GRM7: variants seen among roughly 807,000 people sequenced by gnomAD.
The protein encoded by GRM7 is metabotropic glutamate receptor 7.
Under a neutral mutation model 84.5 loss-of-function variants are expected in GRM7, and 35 were observed. The observed-to-expected ratio is 0.41, with a 90% CI of 0.32 to 0.55. GRM7 has a LOEUF of 0.55. Ranked by LOEUF, GRM7 falls within the 20% of genes least tolerant of loss-of-function variation. The pLI, the probability that GRM7 is intolerant of heterozygous loss-of-function variation, is 0.19. For missense variants in GRM7, 1,003 were observed against 1,194.6 expected, an observed-to-expected ratio of 0.84 and a Z score of 2.36; for synonymous variants, 487 against 455.1, an observed-to-expected ratio of 1.07 and a Z score of -0.89.
At chr3:6,865,789 A>G (rs1694918981) in intron 1 of GRM7, among the ~76,000 whole-genome samples, 2 of 152,136 alleles carry the variant, frequency 1.3e-5, no homozygotes, top group Non-Finnish European at 2.9e-5. Flanking sequence ...TCGTAATCCG[A>G]TAGAGCTGAG....
intron 2 of GRM7, among the ~76,000 whole-genome samples, chr3:7,176,279 T>A (rs984714990): frequency 2.3e-5 from 3 of 132,160 alleles, no homozygotes; most frequent in Non-Finnish European, 4.7e-5. Flanking sequence ...GGTGTGGTGG[T>A]GCATGCCTGT....
At chr3:7,455,090 T>C (rs1697949255) in intron 6 of GRM7, among the ~76,000 whole-genome samples, 2 of 152,032 alleles carry the variant, frequency 1.3e-5, no homozygotes, top group Non-Finnish European at 2.9e-5. Flanking sequence ...AGAAACCAAA[T>C]TGGAAGAGAT....
chr3:7,688,347 A>C (rs922737945), intron 9 of GRM7, among the ~76,000 whole-genome samples: 4 of 152,088 alleles, frequency 2.6e-5, no homozygotes, highest in Admixed American at 6.5e-5. Context: ...ATTGCTTAAT[A>C]ATGTGGACTG....
chr3:7,367,390 A>G (rs1184832699), intron 4 of GRM7, among the ~76,000 whole-genome samples: 1 of 151,888 alleles, frequency 6.6e-6, no homozygotes, highest in African/African-American at 2.4e-5. Context: ...TAAGAATGGT[A>G]ATGGTCTAAA....
At chr3:7,254,209 C>T (rs1326330541) in intron 2 of GRM7, among the ~76,000 whole-genome samples, 1 of 152,170 alleles carries the variant, frequency 6.6e-6, no homozygotes, top group Non-Finnish European at 1.5e-5. Context: ...TACAAAGGCC[C>T]CGTGCTTGGT....
intron 2 of GRM7, among the ~76,000 whole-genome samples, chr3:7,177,626 A>C (rs1306162930): frequency 6.6e-6 from 1 of 151,638 alleles, no homozygotes; most frequent in East Asian, 1.9e-4. Context: ...GGGTGGGAGA[A>C]AAGAAGGAAA....
rs755132698 is a variant in GRM7, at chr3:6,861,829, G to A, written c.441G>A (p.Pro147=). The A allele has an allele frequency of 1.2e-6, 2 of 1,614,050 alleles. No homozygotes were observed. The highest frequency in any genetic ancestry group is 1.1e-5 in the South Asian group (1 of 91,096). The part of the protein sequence containing the change: ...TNGEPPVFVK[P]EKVVGVIGAS... Reference sequence around the variant, plus strand: ...GCGAACCGCCGGTTTTCGTCAAGCCGGAGAAAGTAGTTGGAGTGATTGGGG... The same window carrying A: ...GCGAACCGCCGGTTTTCGTCAAGCCAGAGAAAGTAGTTGGAGTGATTGGGG... The change falls in exon 1 of 10, where the codon CCG becomes CCA. Residue 147 remains proline, a synonymous_variant. Transcript: ENST00000357716. The surrounding 1 kb of genome is among the most constrained non-coding windows in gnomAD (Gnocchi z 6.4).
In GRM7 at chr3:7,650,709, A is replaced by G. The variant is rs1698893002; in HGVS notation, c.2452-29340A>G. ...ATTGAGAAAATTCAAAGTCCATAAC[A>G]ATATTTTGCTTTTATTTATTTATTT... is the stretch of plus-strand genomic sequence containing the variant. On this transcript the variant is annotated intron_variant, in intron 8 of 9. Coordinates refer to ENST00000357716, the MANE Select transcript of GRM7 (RefSeq NM_000844.4). 2.0e-5 allele frequency among the ~76,000 whole-genome samples: 3 copies of G among 152,240 alleles called. No individual in the cohort carries two copies. In the South Asian group the frequency reaches 6.2e-4, roughly 32 times the overall value.
At chr3:7,415,289 G>A in intron 5 of GRM7, 126 bp downstream of exon 5, 2 of 791,786 alleles carry the variant, frequency 2.5e-6, no homozygotes, top group Admixed American at 4.9e-5. Flanking sequence ...TTACTAGATT[G>A]TTCAGAAAAT....
At chr3:7,136,562 G>C (rs1022658862) in intron 1 of GRM7, among the ~76,000 whole-genome samples, 1 of 149,668 alleles carries the variant, frequency 6.7e-6, no homozygotes, top group African/African-American at 2.5e-5. Context: ...AAAAGAAAAG[G>C]TGAGAAAAAG....
At chr3:6,898,599 C>G (rs1000288175) in intron 1 of GRM7, among the ~76,000 whole-genome samples, 1 of 151,944 alleles carries the variant, frequency 6.6e-6, no homozygotes, top group African/African-American at 2.4e-5. Context: ...TAAAAGTGAA[C>G]TTAAATTGGG....
At chr3:7,322,991 A>T (rs911546589) in intron 4 of GRM7, among the ~76,000 whole-genome samples, 1 of 152,080 alleles carries the variant, frequency 6.6e-6, no homozygotes, top group Non-Finnish European at 1.5e-5. Context: ...TTATTGAGGC[A>T]TTGCTTATGG....
chr3:6,932,799 G>T (rs1697554986), intron 1 of GRM7, among the ~76,000 whole-genome samples: 1 of 143,540 alleles, frequency 7.0e-6, no homozygotes, highest in Non-Finnish European at 1.5e-5. Flanking sequence ...CTGTCAGCCA[G>T]GCTGGAGTGC....
intron 1 of GRM7, among the ~76,000 whole-genome samples, chr3:6,915,227 G>C (rs1291023359): frequency 6.6e-6 from 1 of 152,090 alleles, no homozygotes; most frequent in Non-Finnish European, 1.5e-5. Context: ...ACTTTTCAGA[G>C]TGCAATTCTT....
chr3:7,653,050 C>T (rs1458940237), intron 8 of GRM7, among the ~76,000 whole-genome samples: 1 of 152,064 alleles, frequency 6.6e-6, no homozygotes, highest in Non-Finnish European at 1.5e-5. Flanking sequence ...CACATCATTG[C>T]TCACATTTCC....
At chr3:7,327,963 G>C (rs1701050320) in intron 4 of GRM7, among the ~76,000 whole-genome samples, 1 of 152,102 alleles carries the variant, frequency 6.6e-6, no homozygotes, top group Non-Finnish European at 1.5e-5. Flanking sequence ...TCTTTGTGTA[G>C]ATGAGGAAAA....
intron 6 of GRM7, among the ~76,000 whole-genome samples, chr3:7,459,797 TC>T (rs1227561480): frequency 2.6e-5 from 4 of 152,034 alleles, no homozygotes; most frequent in Non-Finnish European, 5.9e-5. Context: ...TGGATATGTT[TC>T]CTGTGACAGA....
chr3:7,661,599 C>A (rs1272601873), intron 8 of GRM7, among the ~76,000 whole-genome samples: 1 of 151,794 alleles, frequency 6.6e-6, no homozygotes, highest in African/African-American at 2.4e-5. Context: ...TCCAGACCAT[C>A]CTGGCTTACA....
At chr3:7,322,603 T>A (rs201164076) in intron 4 of GRM7, among the ~76,000 whole-genome samples, 1 of 150,426 alleles carries the variant, frequency 6.6e-6, no homozygotes, top group Non-Finnish European at 1.5e-5. Context: ...ATCATTCCTA[T>A]GTCTTTGTGT....
Sources: allele counts gnomAD v4.1 joint callset (sites outside exome capture counted in the v4.1 genomes callset), GRCh38; gene constraint gnomAD v4.1.1; non-coding constraint Gnocchi (gnomAD v3.1); transcripts MANE v1.5; gene names NCBI Gene and HGNC (gene_info 2026-07-23, HGNC 2026-07-21).